The following CNTN4 variants were observed in gnomAD, a reference collection of about 807,000 sequenced individuals.
The protein encoded by CNTN4 is contactin 4.
Under a neutral mutation model 122.5 loss-of-function variants are expected in CNTN4, and 77 were observed. That is an observed-to-expected ratio of 0.63 (90% CI 0.52 to 0.76). CNTN4 has a LOEUF of 0.76. Ranked by LOEUF, CNTN4 falls within the 30% of genes least tolerant of loss-of-function variation. CNTN4 has a pLI of 0.00. For synonymous variants in CNTN4, 512 were observed against 447.0 expected (o/e 1.15, Z -1.83); for missense variants, 1,256 against 1,259.1 (o/e 1.00, Z 0.04).
intron 3 of CNTN4, among the ~76,000 whole-genome samples, chr3:2,570,159 G>A (rs1217859261): frequency 6.6e-6 from 1 of 151,966 alleles, no homozygotes; most frequent in African/African-American, 2.4e-5. Context: ...GGCTTTACTT[G>A]AGTCATACAG....
chr3:2,704,771 A>T (rs2086556000), intron 4 of CNTN4, among the ~76,000 whole-genome samples: 1 of 152,178 alleles, frequency 6.6e-6, no homozygotes, highest in Non-Finnish European at 1.5e-5. Context: ...GAAATGAGAG[A>T]TGTTCAATAC....
chr3:2,162,566 G>T (rs2036012402), intron 2 of CNTN4, among the ~76,000 whole-genome samples: 1 of 152,168 alleles, frequency 6.6e-6, no homozygotes, highest in African/African-American at 2.4e-5. Context: ...CTATCATTGT[G>T]CAAAGAGATG....
At chr3:3,045,674 G>A (rs1274652699) in intron 23 of CNTN4, among the ~76,000 whole-genome samples, 2 of 152,138 alleles carry the variant, frequency 1.3e-5, no homozygotes, top group Non-Finnish European at 2.9e-5. Flanking sequence ...CCACAGATAT[G>A]GGGAAAAAAT....
At chr3:2,535,983 C>T (rs1024752642) in intron 3 of CNTN4, among the ~76,000 whole-genome samples, 19 of 152,046 alleles carry the variant, frequency 1.2e-4, no homozygotes, top group African/African-American at 3.9e-4. Context: ...GCAAGCCCAC[C>T]GTTTTGCTAT....
chr3:2,332,198 C>T (rs1290253851), intron 2 of CNTN4, among the ~76,000 whole-genome samples: 1 of 152,164 alleles, frequency 6.6e-6, no homozygotes, highest in Non-Finnish European at 1.5e-5. Context: ...CCAACTACAG[C>T]TCCGGTAATG....
At chr3:3,034,443 T>C (rs930782670) in intron 16 of CNTN4, among the ~76,000 whole-genome samples, 189 bp from the exon 17 acceptor site, 4 of 152,210 alleles carry the variant, frequency 2.6e-5, no homozygotes, top group Admixed American at 6.5e-5. Context: ...TGTGTTTCAT[T>C]CACCTCTGTG....
At chr3:2,204,385 T>C (rs2038242977) in intron 2 of CNTN4, among the ~76,000 whole-genome samples, 1 of 152,178 alleles carries the variant, frequency 6.6e-6, no homozygotes, top group Non-Finnish European at 1.5e-5. Context: ...AGAAAAATAA[T>C]ATAAGCTTCT....
intron 4 of CNTN4, among the ~76,000 whole-genome samples, chr3:2,732,503 TAAAA>T (rs11368854): frequency 7.2e-6 from 1 of 139,578 alleles, no homozygotes; most frequent in Non-Finnish European, 1.6e-5. Flanking sequence ...CTTACTGTGA[TAAAA>T]AAAAAAAAAA....
At chr3:2,800,916 G>A (rs1038522493) in intron 6 of CNTN4, among the ~76,000 whole-genome samples, 2 of 151,974 alleles carry the variant, frequency 1.3e-5, no homozygotes, top group South Asian at 2.1e-4. Context: ...CTACTCAAAC[G>A]CACCTACTTC....
At chr3:2,509,379 T>C (rs749984445) in intron 3 of CNTN4, among the ~76,000 whole-genome samples, 25 of 152,290 alleles carry the variant, frequency 1.6e-4, no homozygotes, top group Middle Eastern at 6.8e-3. Flanking sequence ...AAAAAGAAAC[T>C]GGTTACCTTA....
chr3:2,779,487 C>T (rs1211699887), intron 6 of CNTN4, among the ~76,000 whole-genome samples: 1 of 152,170 alleles, frequency 6.6e-6, no homozygotes, highest in East Asian at 1.9e-4. Context: ...GCATGAGCCA[C>T]AGTTGGTTAT....
intron 2 of CNTN4, among the ~76,000 whole-genome samples, chr3:2,192,378 C>G (rs531242628): frequency 5.3e-5 from 8 of 152,216 alleles, no homozygotes; most frequent in Admixed American, 5.2e-4. Context: ...TCTCCACATC[C>G]TCTCCAGCAC....
chr3:2,591,327 C>T (rs761215029), intron 4 of CNTN4, among the ~76,000 whole-genome samples: 1 of 147,028 alleles, frequency 6.8e-6, no homozygotes, highest in Non-Finnish European at 1.5e-5. Flanking sequence ...GTAGTCTGCC[C>T]TTTGAAGAAC....
In CNTN4 at chr3:2,702,555, T is replaced by A. The variant is rs116483008; in HGVS notation, c.56-33660T>A. On this transcript the variant is annotated intron_variant, in intron 4 of 24. Transcript: ENST00000418658. Reference sequence around the variant, plus strand: ...CTGGCATGCAGATAATTAGGCAAAATTTAAAACAGCTTGAATGTAGTAGAT... The same window carrying A: ...CTGGCATGCAGATAATTAGGCAAAAATTAAAACAGCTTGAATGTAGTAGAT... 5.2e-3 allele frequency among the ~76,000 whole-genome samples: 788 copies of A among 152,322 alleles called. 6 individuals are homozygous for A. Among genetic ancestry groups the A allele is most frequent in the African/African-American group, 0.017 (723 of 41,572 alleles).
chr3:2,220,365 G>A (rs1253284122), intron 2 of CNTN4, among the ~76,000 whole-genome samples: 1 of 152,102 alleles, frequency 6.6e-6, no homozygotes, highest in South Asian at 2.1e-4. Flanking sequence ...CCTACATTTT[G>A]TAACCCTCAG....
intron 4 of CNTN4, among the ~76,000 whole-genome samples, chr3:2,652,880 G>C (rs563514862): frequency 6.6e-6 from 1 of 152,000 alleles, no homozygotes; most frequent in Non-Finnish European, 1.5e-5. Flanking sequence ...TTTCTTTACG[G>C]CTCCTATTTT....
At chr3:2,317,504 CCT>C (rs2043145070) in intron 2 of CNTN4, among the ~76,000 whole-genome samples, 1 of 152,128 alleles carries the variant, frequency 6.6e-6, no homozygotes, top group African/African-American at 2.4e-5. Flanking sequence ...TTTCGCGCTC[CCT>C]CTCACACACA....
chr3:2,132,347 C>G (rs2034490810), intron 2 of CNTN4: 1 of 152,156 alleles, frequency 6.6e-6, no homozygotes, highest in Non-Finnish European at 1.5e-5. Context: ...CCCAGCTGAG[C>G]CCAGACCACT....
intron 3 of CNTN4, among the ~76,000 whole-genome samples, chr3:2,555,853 G>A (rs999284906): frequency 4.6e-5 from 7 of 152,132 alleles, no homozygotes; most frequent in Admixed American, 1.3e-4. Flanking sequence ...TGGCTGGAAC[G>A]TGGAGAATGG....
Sources: allele counts gnomAD v4.1 joint callset (sites outside exome capture counted in the v4.1 genomes callset), GRCh38; gene constraint gnomAD v4.1.1; transcripts MANE v1.5; gene names NCBI Gene and HGNC (gene_info 2026-07-23, HGNC 2026-07-21).